Variants in PLCL1 observed in about 807,000 individuals in gnomAD.
The protein encoded by PLCL1 is inactive phospholipase C-like protein 1.
In PLCL1, 41 loss-of-function variants were observed where a neutral mutation model predicts 84.4. That is an observed-to-expected ratio of 0.49 (90% CI 0.38 to 0.63). The LOEUF is 0.63. Among genes scored for constraint, PLCL1 ranks in the 30% least tolerant of loss-of-function variants. The pLI, the probability that PLCL1 is intolerant of heterozygous loss-of-function variation, is 0.00. For synonymous variants in PLCL1, 490 were observed against 488.3 expected (o/e 1.00, Z -0.05); for missense variants, 1,206 against 1,367.8 (o/e 0.88, Z 1.87).
chr2:197,844,140 A>G (rs1342994186), intron 1 of PLCL1, among the ~76,000 whole-genome samples: 1 of 152,162 alleles, frequency 6.6e-6, no homozygotes, highest in Non-Finnish European at 1.5e-5. Context: ...TGAAATATAT[A>G]TACAGAAAAG....
intron 5 of PLCL1, among the ~76,000 whole-genome samples, chr2:198,132,449 G>GTT (rs369748976): frequency 9.9e-4 from 151 of 151,882 alleles, no homozygotes; most frequent in Admixed American, 2.0e-3. Flanking sequence ...TTAAAAATGT[G>GTT]TTTTTTTGGG....
intron 1 of PLCL1, among the ~76,000 whole-genome samples, chr2:197,817,776 G>C (rs1310888835): frequency 6.6e-6 from 1 of 152,168 alleles, no homozygotes; most frequent in East Asian, 1.9e-4. Flanking sequence ...TGCTAGAGGG[G>C]AATGGAGTCA....
At chr2:197,834,222 C>T (rs951882184) in intron 1 of PLCL1, among the ~76,000 whole-genome samples, 1 of 151,998 alleles carries the variant, frequency 6.6e-6, no homozygotes, top group East Asian at 1.9e-4. Flanking sequence ...CTAGGCAATA[C>T]CATTTAGGAC....
intron 1 of PLCL1, among the ~76,000 whole-genome samples, chr2:197,980,258 C>T (rs1193561317): frequency 2.6e-5 from 4 of 152,178 alleles, no homozygotes; most frequent in Middle Eastern, 3.2e-3. Context: ...GACTTTAGGA[C>T]ATCTGAGTGA....
chr2:197,813,884 T>C (rs1690638124), intron 1 of PLCL1, among the ~76,000 whole-genome samples: 2 of 152,186 alleles, frequency 1.3e-5, no homozygotes, highest in Non-Finnish European at 2.9e-5. Context: ...CAGTATTGAT[T>C]TGAAGCTTAG....
intron 1 of PLCL1, among the ~76,000 whole-genome samples, chr2:198,072,041 A>G (rs1333133411): frequency 6.6e-6 from 1 of 151,882 alleles, no homozygotes; most frequent in African/African-American, 2.4e-5. Context: ...TGGGCTTTTC[A>G]TTACAATTTG....
chr2:197,876,395 A>G (rs1180025759), intron 1 of PLCL1, among the ~76,000 whole-genome samples: 1 of 152,164 alleles, frequency 6.6e-6, no homozygotes, highest in African/African-American at 2.4e-5. Flanking sequence ...ATTTTATTTT[A>G]TGTAAAACTT....
At chr2:198,089,621 T>A (rs1692969858) in intron 3 of PLCL1, among the ~76,000 whole-genome samples, 1 of 152,198 alleles carries the variant, frequency 6.6e-6, no homozygotes. Flanking sequence ...TCATGTTTGC[T>A]TTTATTTCAT....
At chr2:198,056,928 C>G (rs1431009908) in intron 1 of PLCL1, among the ~76,000 whole-genome samples, 5 of 152,118 alleles carry the variant, frequency 3.3e-5, no homozygotes, top group Admixed American at 1.3e-4. Flanking sequence ...TATCCACAAC[C>G]TTGATTTGGG....
intron 1 of PLCL1, among the ~76,000 whole-genome samples, chr2:197,808,017 A>G (rs1322634748): frequency 6.6e-6 from 1 of 152,226 alleles, no homozygotes; most frequent in Non-Finnish European, 1.5e-5. Flanking sequence ...TGAGGAAAAC[A>G]ATGACAACAT....
At chr2:197,922,571 A>C (rs1688725103) in intron 1 of PLCL1, among the ~76,000 whole-genome samples, 1 of 129,546 alleles carries the variant, frequency 7.7e-6, no homozygotes, top group Non-Finnish European at 1.7e-5. Flanking sequence ...GGGGCTCCTT[A>C]CTTCCCAGTA....
At chr2:197,845,024 A>G (rs1415239613) in intron 1 of PLCL1, among the ~76,000 whole-genome samples, 1 of 152,108 alleles carries the variant, frequency 6.6e-6, no homozygotes, top group Non-Finnish European at 1.5e-5. Context: ...CTCAAGGCAG[A>G]TAATAGGTGA....
At position 197,992,391 on chromosome 2, in the gene PLCL1, G is replaced by C. The variant is rs528674663; in HGVS notation, c.241-91367G>C. 5.3e-5 allele frequency among the ~76,000 whole-genome samples: 8 copies of C among 151,716 alleles called. No homozygotes were observed. The South Asian group carries it at 1.7e-3, about 32-fold the overall frequency. ...GTGATTCTCCCACTTCAGCCTCCTGGGTGTCTGGGACCACAGACACACACC... is the reference window on the plus strand; with the variant it reads ...GTGATTCTCCCACTTCAGCCTCCTGCGTGTCTGGGACCACAGACACACACC... On this transcript the variant is annotated intron_variant, in intron 1 of 5. Transcript: ENST00000428675.
intron 5 of PLCL1, among the ~76,000 whole-genome samples, chr2:198,138,918 G>A (rs1005185624): frequency 1.3e-5 from 2 of 152,106 alleles, no homozygotes; most frequent in Non-Finnish European, 2.9e-5. Flanking sequence ...AACTTTGGGA[G>A]GCCAAGGCAG....
At position 198,086,081 on chromosome 2, in the gene PLCL1, A is replaced by C. The variant is rs1459392225; in HGVS notation, c.2564A>C (p.Lys855Thr). 3 of 1,614,120 alleles carry C rather than the reference A, an allele frequency of 1.9e-6. No homozygotes were observed. Among genetic ancestry groups the C allele is most frequent in the Middle Eastern group, 1.6e-4 (1 of 6,062 alleles). ...IAITNRSGGG[K>T]AQKRSLSVRM... ...ATAACTAATCGAAGTGGAGGAGGAA[A>C]GGCACAGAAGCGCAGTCTTTCAGTG... The change falls in exon 2 of 6, where the codon AAG becomes ACG. Residue 855 changes from lysine (K) to threonine (T), a missense_variant. Coordinates refer to ENST00000428675, the MANE Select transcript of PLCL1 (RefSeq NM_006226.4).
At chr2:197,858,029 C>A (rs547605241) in intron 1 of PLCL1, among the ~76,000 whole-genome samples, 1 of 152,074 alleles carries the variant, frequency 6.6e-6, no homozygotes, top group Non-Finnish European at 1.5e-5. Flanking sequence ...TTGAACATAC[C>A]TCATGAGAGA....
chr2:197,901,711 C>G (rs746359273), intron 1 of PLCL1, among the ~76,000 whole-genome samples: 1 of 152,138 alleles, frequency 6.6e-6, no homozygotes, highest in African/African-American at 2.4e-5. Flanking sequence ...TCTTTCAAAG[C>G]TTCAAGCTCA....
chr2:197,974,406 C>T (rs1224471485), intron 1 of PLCL1, among the ~76,000 whole-genome samples: 1 of 151,950 alleles, frequency 6.6e-6, no homozygotes, highest in African/African-American at 2.4e-5. Flanking sequence ...TACTTTCAGT[C>T]AGGAAAAAAA....
At chr2:197,952,465 A>AT (rs1427359771) in intron 1 of PLCL1, among the ~76,000 whole-genome samples, 2 of 152,012 alleles carry the variant, frequency 1.3e-5, no homozygotes, top group African/African-American at 2.4e-5. Flanking sequence ...AAGAAGGAAA[A>AT]TTTTTTTGTG....
Sources: allele counts gnomAD v4.1 joint callset (sites outside exome capture counted in the v4.1 genomes callset), GRCh38; gene constraint gnomAD v4.1.1; transcripts MANE v1.5; gene names NCBI Gene and HGNC (gene_info 2026-07-23, HGNC 2026-07-21).